Variants in BABAM2 observed in about 807,000 individuals in gnomAD.
The protein encoded by BABAM2 is BRISC and BRCA1-A complex member 2.
BABAM2 carries 31 observed loss-of-function variants against 54.7 expected under a neutral mutation model. The ratio of observed to expected loss-of-function variants is 0.57; its 90% CI spans 0.43 to 0.77. BABAM2 has a LOEUF of 0.77. Ranked by LOEUF, BABAM2 falls within the 30% of genes least tolerant of loss-of-function variation. The pLI, the probability that BABAM2 is intolerant of heterozygous loss-of-function variation, is 0.00. For synonymous variants in BABAM2, 167 were observed against 162.9 expected (o/e 1.03, Z -0.19); for missense variants, 364 against 455.8 (o/e 0.80, Z 1.83).
chr2:28,249,114 G>T (rs1330103608), intron 10 of BABAM2, among the ~76,000 whole-genome samples: 1 of 144,800 alleles, frequency 6.9e-6, no homozygotes, highest in South Asian at 2.2e-4. Context: ...TGGAAACAGC[G>T]TCTCACTCTG....
chr2:28,236,355 T>TC (rs1466896761), intron 7 of BABAM2, among the ~76,000 whole-genome samples: 6 of 151,934 alleles, frequency 3.9e-5, no homozygotes, highest in Non-Finnish European at 5.9e-5. Context: ...TTTTTTTTTT[T>TC]CTTTTTTTCT....
intron 5 of BABAM2, among the ~76,000 whole-genome samples, chr2:28,027,357 C>T (rs1675947985): frequency 6.6e-6 from 1 of 152,108 alleles, no homozygotes; most frequent in Non-Finnish European, 1.5e-5. Context: ...TTTAAGTGTA[C>T]AGTTAAATGA....
intron 3 of BABAM2, among the ~76,000 whole-genome samples, chr2:27,987,694 A>G (rs542224238): frequency 6.6e-6 from 1 of 151,760 alleles, no homozygotes; most frequent in Non-Finnish European, 1.5e-5. Flanking sequence ...ATGTTCCTGT[A>G]GGCTCAGCTC....
intron 10 of BABAM2, among the ~76,000 whole-genome samples, chr2:28,289,615 C>G (rs1242132282): frequency 2.0e-5 from 3 of 152,046 alleles, no homozygotes; most frequent in Admixed American, 2.0e-4. Context: ...ATGGTGAAAC[C>G]CCATCTCTAC....
At chr2:28,263,682 T>G (rs1202574906) in intron 10 of BABAM2, among the ~76,000 whole-genome samples, 1 of 152,228 alleles carries the variant, frequency 6.6e-6, no homozygotes, top group Non-Finnish European at 1.5e-5. Flanking sequence ...GTCTCTTCTG[T>G]AACATCTACC....
chr2:28,302,406 G>A (rs577854149), intron 11 of BABAM2, among the ~76,000 whole-genome samples: 2 of 122,842 alleles, frequency 1.6e-5, no homozygotes, highest in Non-Finnish European at 3.3e-5. Flanking sequence ...GACAGAGCGA[G>A]ACTCCATCTC....
intron 11 of BABAM2, among the ~76,000 whole-genome samples, chr2:28,310,972 A>G (rs1572394553): frequency 6.6e-6 from 1 of 151,746 alleles, no homozygotes; most frequent in East Asian, 1.9e-4. Flanking sequence ...TTCAAGAACA[A>G]TTGAGTGGGC....
At chr2:28,065,089 T>C (rs1428394054) in intron 6 of BABAM2, among the ~76,000 whole-genome samples, 1 of 152,138 alleles carries the variant, frequency 6.6e-6, no homozygotes, top group African/African-American at 2.4e-5. Context: ...AGAAGTTTCT[T>C]TATTAGACAA....
intron 7 of BABAM2, among the ~76,000 whole-genome samples, chr2:28,190,369 G>A (rs1045406783): frequency 5.9e-5 from 9 of 152,188 alleles, no homozygotes; most frequent in Non-Finnish European, 7.4e-5. Flanking sequence ...TGGCAGGAGA[G>A]GCTAGCTCCC....
chr2:28,289,437 A>T (rs1473544457), intron 10 of BABAM2, among the ~76,000 whole-genome samples: 1 of 152,200 alleles, frequency 6.6e-6, no homozygotes, highest in Non-Finnish European at 1.5e-5. Flanking sequence ...CCATGTACCC[A>T]CCTTAATCAA....
chr2:28,170,142 T>C (rs1203190252), intron 7 of BABAM2, among the ~76,000 whole-genome samples: 1 of 152,144 alleles, frequency 6.6e-6, no homozygotes, highest in Non-Finnish European at 1.5e-5. Flanking sequence ...TGTTTTATAA[T>C]CTTAATTACA....
At chr2:28,235,645 T>TG (rs1223047055) in intron 7 of BABAM2, among the ~76,000 whole-genome samples, 3 of 151,460 alleles carry the variant, frequency 2.0e-5, no homozygotes, top group African/African-American at 7.3e-5. Flanking sequence ...CTAAACTCTT[T>TG]TTTTGTTTGT....
intron 6 of BABAM2, among the ~76,000 whole-genome samples, chr2:28,110,813 C>T (rs977636436): frequency 7.9e-5 from 12 of 152,016 alleles, no homozygotes; most frequent in Non-Finnish European, 1.2e-4. Flanking sequence ...TCCCATTTTA[C>T]ACTACCCCCA....
chr2:27,904,655 AT>A (rs1432995076), intron 2 of BABAM2, among the ~76,000 whole-genome samples: 1 of 152,208 alleles, frequency 6.6e-6, no homozygotes, highest in Admixed American at 6.5e-5. Flanking sequence ...GTACAGAAGA[AT>A]TTTTTTAAAG....
At chr2:27,916,786 C>T (rs1248484694) in intron 2 of BABAM2, among the ~76,000 whole-genome samples, 4 of 152,188 alleles carry the variant, frequency 2.6e-5, no homozygotes, top group Admixed American at 2.0e-4. Context: ...GTTACCCAAG[C>T]TAAAAGTGGT....
intron 11 of BABAM2, chr2:28,327,497 C>G: frequency 6.7e-7 from 1 of 1,496,012 alleles, no homozygotes; most frequent in Non-Finnish European, 9.0e-7. Context: ...GAATTCATCC[C>G]AATACTTTGA....
chr2:28,201,025 C>A (rs371842282), intron 7 of BABAM2, among the ~76,000 whole-genome samples: 1 of 152,192 alleles, frequency 6.6e-6, no homozygotes, highest in East Asian at 1.9e-4. Flanking sequence ...CCCACCTCGG[C>A]CTCCCAAAGT....
At chr2:28,004,373 T>G (rs752004719) in intron 4 of BABAM2, among the ~76,000 whole-genome samples, 6 of 152,160 alleles carry the variant, frequency 3.9e-5, no homozygotes, top group Non-Finnish European at 7.3e-5. Flanking sequence ...GTTTTAAGAA[T>G]GTTTTTAAGT....
At chr2:28,182,154 G>T (rs1046966727) in intron 7 of BABAM2, among the ~76,000 whole-genome samples, 1 of 152,106 alleles carries the variant, frequency 6.6e-6, no homozygotes, top group Non-Finnish European at 1.5e-5. Context: ...AAGGACACTG[G>T]CTTATACTCT....
Sources: allele counts gnomAD v4.1 joint callset (sites outside exome capture counted in the v4.1 genomes callset), GRCh38; gene constraint gnomAD v4.1.1; transcripts MANE v1.5; gene names NCBI Gene and HGNC (gene_info 2026-07-23, HGNC 2026-07-21).